The following CCSER1 variants were observed in gnomAD, a reference collection of about 807,000 sequenced individuals.
The protein encoded by CCSER1 is serine-rich coiled-coil domain-containing protein 1.
A neutral mutation model predicts 82.0 loss-of-function variants in CCSER1; 41 were observed. That is an observed-to-expected ratio of 0.50 (90% CI 0.39 to 0.65). The LOEUF is 0.65. CCSER1 is among the 30% of genes least tolerant of loss of function. CCSER1 has a pLI of 0.00. For missense variants in CCSER1, 1,119 were observed against 1,064.2 expected (o/e 1.05, Z -0.72); for synonymous variants, 414 against 383.9 (o/e 1.08, Z -0.92).
intron 1 of CCSER1, among the ~76,000 whole-genome samples, chr4:90,128,956 ACTT>A (rs1722353861): frequency 6.6e-6 from 1 of 152,112 alleles, no homozygotes; most frequent in South Asian, 2.1e-4. Flanking sequence ...AGAAAAAAAT[ACTT>A]CTTAGAAGTT....
At chr4:90,439,179 C>T (rs1021595248) in intron 4 of CCSER1, among the ~76,000 whole-genome samples, 8 of 151,874 alleles carry the variant, frequency 5.3e-5, no homozygotes, top group Admixed American at 3.9e-4. Context: ...CCCAGCTACT[C>T]GGGAGTGCTG....
At chr4:90,954,754 C>A (rs900229152) in intron 9 of CCSER1, among the ~76,000 whole-genome samples, 2 of 151,290 alleles carry the variant, frequency 1.3e-5, no homozygotes, top group Admixed American at 6.6e-5. Context: ...CTTTGAAATT[C>A]GTTTTTATGT....
chr4:91,523,894 G>A (rs927081800), intron 10 of CCSER1, among the ~76,000 whole-genome samples: 1 of 152,050 alleles, frequency 6.6e-6, no homozygotes, highest in Non-Finnish European at 1.5e-5. Flanking sequence ...TCTGATCTTA[G>A]TTACTTCTTG....
chr4:91,227,275 A>C (rs1233119694), intron 10 of CCSER1, among the ~76,000 whole-genome samples: 2 of 151,908 alleles, frequency 1.3e-5, no homozygotes, highest in African/African-American at 4.8e-5. Context: ...TTAAAACAAC[A>C]GACAATATTT....
At chr4:91,153,143 A>G (rs1730419069) in intron 10 of CCSER1, among the ~76,000 whole-genome samples, 1 of 151,998 alleles carries the variant, frequency 6.6e-6, no homozygotes, top group Non-Finnish European at 1.5e-5. Context: ...ACTTTCAGAT[A>G]TACCAATCAG....
intron 3 of CCSER1, among the ~76,000 whole-genome samples, chr4:90,356,877 A>G (rs540456191): frequency 2.6e-5 from 4 of 152,014 alleles, no homozygotes; most frequent in African/African-American, 9.6e-5. Flanking sequence ...GATTCTCTGT[A>G]TTACAGATTC....
At chr4:90,973,162 G>T (rs968642311) in intron 9 of CCSER1, among the ~76,000 whole-genome samples, 4 of 151,526 alleles carry the variant, frequency 2.6e-5, no homozygotes, top group Non-Finnish European at 5.9e-5. Context: ...TAGACAAGTA[G>T]GTTTTTTCAT....
At chr4:90,767,680 A>AT (rs74921265) in intron 7 of CCSER1, among the ~76,000 whole-genome samples, 89,363 of 151,308 alleles carry the variant, frequency 0.59, 26,556 homozygotes, top group African/African-American at 0.66. Context: ...AAACAGGGTA[A>AT]TTTTTTTTTA....
chr4:90,556,709 T>C (rs1382564179), intron 5 of CCSER1, among the ~76,000 whole-genome samples: 1 of 151,810 alleles, frequency 6.6e-6, no homozygotes, highest in East Asian at 1.9e-4. Context: ...TGGATCATCA[T>C]AAAGGTTTTC....
intron 1 of CCSER1, among the ~76,000 whole-genome samples, chr4:90,197,753 G>A (rs1397775194): frequency 6.6e-6 from 1 of 152,026 alleles, no homozygotes; most frequent in East Asian, 1.9e-4. Context: ...CAGGGAGATA[G>A]AGAGTAGAAG....
chr4:90,741,198 AT>A (rs776835515), intron 7 of CCSER1, among the ~76,000 whole-genome samples: 7 of 152,198 alleles, frequency 4.6e-5, no homozygotes, highest in African/African-American at 7.2e-5. Context: ...AAGGAAAAAA[AT>A]ATTTATATGT....
At chr4:91,077,862 G>A (rs1722177723) in intron 9 of CCSER1, among the ~76,000 whole-genome samples, 1 of 152,194 alleles carries the variant, frequency 6.6e-6, no homozygotes, top group Non-Finnish European at 1.5e-5. Flanking sequence ...ACAGCAGTCT[G>A]ACATAGAACT....
intron 10 of CCSER1, among the ~76,000 whole-genome samples, chr4:91,489,492 T>C (rs1758397397): frequency 6.6e-6 from 1 of 152,110 alleles, no homozygotes; most frequent in Non-Finnish European, 1.5e-5. Context: ...CAATCTCCAC[T>C]TTTCCCTTCA....
intron 10 of CCSER1, among the ~76,000 whole-genome samples, chr4:91,343,237 T>A (rs1174738017): frequency 1.3e-5 from 2 of 152,046 alleles, no homozygotes; most frequent in African/African-American, 4.8e-5. Context: ...GTACATAGTA[T>A]GTGATTAATA....
intron 5 of CCSER1, among the ~76,000 whole-genome samples, chr4:90,490,919 C>T (rs1767906224): frequency 6.6e-6 from 1 of 152,152 alleles, no homozygotes; most frequent in African/African-American, 2.4e-5. Flanking sequence ...GTTTTGGTTA[C>T]TATAGCCTTG....
At chr4:90,784,500 G>A (rs1262778674) in intron 7 of CCSER1, among the ~76,000 whole-genome samples, 1 of 152,204 alleles carries the variant, frequency 6.6e-6, no homozygotes, top group Non-Finnish European at 1.5e-5. Flanking sequence ...GTTTTGATAA[G>A]TCTGGAGCTG....
At chr4:91,258,096 A>G (rs976245431) in intron 10 of CCSER1, among the ~76,000 whole-genome samples, 18 of 152,010 alleles carry the variant, frequency 1.2e-4, no homozygotes, top group Non-Finnish European at 1.2e-4. Flanking sequence ...TCAATAATCT[A>G]GTTATTTTAT....
Position 91,601,520 on chromosome 4 carries a change from T to C in CCSER1, c.*2463T>C, listed in dbSNP as rs905782220. 3 of 152,046 alleles carry C rather than the reference T, an allele frequency of 2.0e-5. No homozygotes were observed. The highest frequency in any genetic ancestry group is 6.6e-5 in the Admixed American group (1 of 15,230). 9.4% of individuals were successfully genotyped at this position (152,046 alleles called of 1,614,324 possible). ...TCTTTGTAAGTTCCTCTTGTGTATA[T>C]ATAGTAACTTATAACAATGGCATGT... On this transcript the variant is annotated 3_prime_UTR_variant, in exon 11 of 11. Transcript: ENST00000509176.
At chr4:90,748,525 G>T (rs1360731951) in intron 7 of CCSER1, among the ~76,000 whole-genome samples, 1 of 148,436 alleles carries the variant, frequency 6.7e-6, no homozygotes, top group Non-Finnish European at 1.5e-5. Flanking sequence ...ATAGCAGCAC[G>T]ATTTATAGTC....
Sources: allele counts gnomAD v4.1 joint callset (sites outside exome capture counted in the v4.1 genomes callset), GRCh38; gene constraint gnomAD v4.1.1; transcripts MANE v1.5; gene names NCBI Gene and HGNC (gene_info 2026-07-23, HGNC 2026-07-21).